Variants in MYADML2 observed in about 807,000 individuals in gnomAD.
MYADML2 encodes myeloid-associated differentiation marker-like protein 2.
MYADML2 carries 17 observed loss-of-function variants against 16.0 expected under a neutral mutation model. That is an observed-to-expected ratio of 1.06 (90% CI 0.73 to 1.60). The LOEUF is 1.60. Ranked by LOEUF, MYADML2 falls within the 40% of genes most tolerant of loss-of-function variation. The probability of loss-of-function intolerance (pLI) is 0.00; values close to 1 mark genes in which losing one functional copy is unlikely to be tolerated. For synonymous variants in MYADML2, 210 were observed against 208.1 expected (o/e 1.01, Z -0.08); for missense variants, 422 against 437.7 (o/e 0.96, Z 0.32).
chr17:81,943,156 G>A (rs1356976454), intron 1 of MYADML2, among the ~76,000 whole-genome samples: 9 of 150,686 alleles, frequency 6.0e-5, no homozygotes, highest in Non-Finnish European at 1.3e-4. Context: ...TGCAAGCTCC[G>A]CCTCCCAGGT....
chr17:81,943,630 C>G (rs1292634497), intron 1 of MYADML2, among the ~76,000 whole-genome samples: 1 of 150,644 alleles, frequency 6.6e-6, no homozygotes, highest in Non-Finnish European at 1.5e-5. Context: ...GTCTCGATCT[C>G]CTGACCTCGT....
At chr17:81,945,590 T>A (rs2041338889) in intron 1 of MYADML2, among the ~76,000 whole-genome samples, 1 of 150,666 alleles carries the variant, frequency 6.6e-6, no homozygotes, top group Non-Finnish European at 1.5e-5. Flanking sequence ...TAATCTCAGT[T>A]ACTGGGGAGG....
intron 2 of MYADML2, 95 bp from the exon 3 acceptor site, chr17:81,941,938 T>C: frequency 3.8e-6 from 2 of 530,982 alleles, no homozygotes; most frequent in East Asian, 6.0e-5. Flanking sequence ...TAGACAGCCG[T>C]GATCAGAGCC....
chr17:81,945,520 C>CA (rs778117495), intron 1 of MYADML2, among the ~76,000 whole-genome samples: 1 of 150,940 alleles, frequency 6.6e-6, no homozygotes, highest in Non-Finnish European at 1.5e-5. Flanking sequence ...GCCTGGGCAA[C>CA]AGAGCAAGAC....
intron 1 of MYADML2, among the ~76,000 whole-genome samples, chr17:81,945,538 C>CAAA (rs796429824): frequency 1.5e-5 from 2 of 136,504 alleles, no homozygotes; most frequent in Admixed American, 7.4e-5. Context: ...GACTCTGTCT[C>CAAA]AAAAAAAAAA....
Position 81,941,049 on chromosome 17 carries a change from C to G in MYADML2, c.693G>C (p.Val231=), listed in dbSNP as rs773013862. 2.6e-6 allele frequency: 4 copies of G among 1,550,428 alleles called. No homozygotes were observed. The highest frequency in any genetic ancestry group is 3.5e-6 in the Non-Finnish European group (4 of 1,146,982). The change falls in exon 3 of 3, where the codon GTG becomes GTC. Residue 231 remains valine, a synonymous_variant. Transcript: ENST00000409745. The part of the protein sequence containing the change: ...GGLGCPFDRL[V]VVYTFLAVLL... ...GCACAGCCAGGAAGGTGTACACCAC[C>G]ACCAGCCGGTCAAAGGGGCAGCCCA... is the stretch of plus-strand genomic sequence containing the variant.
At chr17:81,945,287 C>T (rs2143926944) in intron 1 of MYADML2, among the ~76,000 whole-genome samples, 1 of 151,926 alleles carries the variant, frequency 6.6e-6, no homozygotes, top group African/African-American at 2.4e-5. Flanking sequence ...CACCTGTAAT[C>T]CCAGCACTTT....
Position 81,944,867 on chromosome 17 carries a change from G to A in MYADML2, c.-181+2192C>T, listed in dbSNP as rs146424956. 3.1e-4 allele frequency among the ~76,000 whole-genome samples: 47 copies of A among 152,332 alleles called. 1 individual carries two copies. The highest frequency in any genetic ancestry group is 5.9e-5 in the Non-Finnish European group (4 of 68,024). On this transcript the variant is annotated intron_variant, in intron 1 of 2. Coordinates refer to ENST00000409745, the MANE Select transcript of MYADML2 (RefSeq NM_001145113.3). ...CAGGGTTGGGAGGTTTCCAGGTGGC[G>A]GAATGCTTGGAGGGTCCTGGAAGCT...
Position 81,941,206 on chromosome 17 carries a change from A to C in MYADML2, c.536T>G (p.Phe179Cys). The stretch of plus-strand genomic sequence containing the variant: ...GCGGCTGTCATGGACCAGCGCCCCG[A>C]AGATGATGCAGGCCACGAAGGCCTG... Reference protein sequence around the residue: ...IVQAFVACIIFGALVHDSRYG... With the variant: ...IVQAFVACIICGALVHDSRYG... Residue 179 changes from phenylalanine to cysteine, a missense_variant, in exon 3 of 3, where the codon TTC becomes TGC. Transcript: ENST00000409745. 1 of 1,550,156 alleles carries C rather than the reference A, an allele frequency of 6.5e-7. No homozygotes were observed. Among genetic ancestry groups the C allele is most frequent in the East Asian group, 2.4e-5 (1 of 40,906 alleles).
At chr17:81,945,832 A>C (rs1055290951) in intron 1 of MYADML2, among the ~76,000 whole-genome samples, 2 of 151,822 alleles carry the variant, frequency 1.3e-5, no homozygotes, top group African/African-American at 4.9e-5. Flanking sequence ...ATGCCGTCAC[A>C]CTCCAGCCCG....
chr17:81,946,528 G>A (rs376163734), intron 1 of MYADML2, among the ~76,000 whole-genome samples: 27 of 151,584 alleles, frequency 1.8e-4, no homozygotes, highest in African/African-American at 5.3e-4. Context: ...GGCGCTGGTA[G>A]TCCCAGCTAC....
Position 81,941,455 on chromosome 17 carries a change from G to A in MYADML2, c.287C>T (p.Thr96Ile), listed in dbSNP as rs774545284. ...NFTAAFAMLA[T>I]LLCATAAVLY... ...GACCGCAGCCGTCGCGCATAGCAGG[G>A]TGGCCAGCATGGCGAAGGCGGCGGT... Residue 96 changes from threonine to isoleucine, a missense_variant, in exon 3 of 3, where the codon ACC becomes ATC. Transcript: ENST00000409745. 2.6e-6 allele frequency: 4 copies of A among 1,549,444 alleles called. No individual in the cohort carries two copies. The highest frequency in any genetic ancestry group is 2.4e-5 in the South Asian group (2 of 84,038).
Position 81,940,951 on chromosome 17 carries a change from G to A in MYADML2, c.791C>T (p.Pro264Leu). ...ACAGCTGCCCCGAGCACAGTTGGGG[G>A]GCCGTTTGGGCTCACCGTACTTGGG... is the stretch of plus-strand genomic sequence containing the variant. ...FDPKYGEPKR[P>L]PNCARGSCPW... The change falls in exon 3 of 3, where the codon CCC (proline) becomes CTC (leucine). Residue 264 changes from proline (P) to leucine (L), a missense_variant. By Grantham distance (98) the Pro-to-Leu change is moderately conservative. Coordinates refer to ENST00000409745, the MANE Select transcript of MYADML2 (RefSeq NM_001145113.3). 1 of 1,550,618 alleles carries A rather than the reference G, an allele frequency of 6.4e-7. No homozygotes were observed.
Position 81,941,404 on chromosome 17 carries a change from C to G in MYADML2, c.338G>C (p.Arg113Pro), listed in dbSNP as rs757879513. The G allele has an allele frequency of 1.9e-6, 3 of 1,549,104 alleles. No individual in the cohort carries two copies. Among genetic ancestry groups the G allele is most frequent in the Non-Finnish European group, 2.6e-6 (3 of 1,146,480 alleles). ...AVLYPLYFAR[R>P]ECSPEPAGCA... Reference sequence around the variant, plus strand: ...GCCGGCGGGCTCGGGGGAACACTCCCGCCGGGCAAAGTACAGCGGATACAG... The same window carrying G: ...GCCGGCGGGCTCGGGGGAACACTCCGGCCGGGCAAAGTACAGCGGATACAG... The change falls in exon 3 of 3, where the codon CGG (arginine) becomes CCG (proline). Residue 113 changes from arginine (R) to proline (P), a missense_variant. Physicochemically the swap from Arg to Pro is moderately radical, Grantham distance 103 (BLOSUM62 -2). Transcript: ENST00000409745.
Position 81,941,357 on chromosome 17 carries a change from G to C in MYADML2, c.385C>G (p.Leu129Val), listed in dbSNP as rs867063182. The C allele has an allele frequency of 3.2e-6, 5 of 1,548,916 alleles. No individual in the cohort carries two copies. Among genetic ancestry groups the C allele is most frequent in the Admixed American group, 3.9e-5 (2 of 50,950 alleles). ...PAGCAARDFR[L>V]AASVFAGLLF... ...AGCCCGGCGAAGACACTGGCTGCCAGGCGGAAGTCCCTGGCAGCACAGCCG... is the reference window on the plus strand; with the variant it reads ...AGCCCGGCGAAGACACTGGCTGCCACGCGGAAGTCCCTGGCAGCACAGCCG... Residue 129 changes from leucine (L) to valine (V), a missense_variant, in exon 3 of 3, where the codon CTG becomes GTG. By Grantham distance (32) the Leu-to-Val change is conservative. Coordinates refer to ENST00000409745, the MANE Select transcript of MYADML2 (RefSeq NM_001145113.3).
rs1468138345 is a variant in MYADML2, at chr17:81,940,454, T to G, written c.*364A>C. On this transcript the variant is annotated 3_prime_UTR_variant, in exon 3 of 3. Transcript: ENST00000409745. ...GGGTGCCTCGCAAATGCTTCTAGCC[T>G]CCATGTCCCCAGCTGCAAAATGGGT... is the stretch of plus-strand genomic sequence containing the variant. The G allele has an allele frequency of 9.2e-6, 2 of 217,724 alleles. No homozygotes were observed. Among genetic ancestry groups the G allele is most frequent in the African/African-American group, 2.2e-5 (1 of 44,460 alleles). 13.5% of individuals were successfully genotyped at this position (217,724 alleles called of 1,614,324 possible). A position where few individuals can be genotyped will look rare whatever the true frequency, so the allele number is the denominator to read the frequency against.
chr17:81,946,462 C>T (rs1004233407), intron 1 of MYADML2, among the ~76,000 whole-genome samples: 43 of 151,674 alleles, frequency 2.8e-4, no homozygotes, highest in Non-Finnish European at 5.0e-4. Flanking sequence ...TCCTGGCCAA[C>T]GTGGTGAAAC....
chr17:81,946,081 G>A (rs909152928), intron 1 of MYADML2, among the ~76,000 whole-genome samples: 3 of 152,058 alleles, frequency 2.0e-5, no homozygotes, highest in Admixed American at 6.6e-5. Flanking sequence ...CTGGCCCGGC[G>A]CGGTGGGTCA....
intron 1 of MYADML2, among the ~76,000 whole-genome samples, chr17:81,943,055 A>G (rs2041318126): frequency 6.6e-6 from 1 of 151,934 alleles, no homozygotes; most frequent in Admixed American, 6.5e-5. Flanking sequence ...AATGTTTTTA[A>G]AAAGGAAAAA....
Sources: allele counts gnomAD v4.1 joint callset (sites outside exome capture counted in the v4.1 genomes callset), GRCh38; gene constraint gnomAD v4.1.1; transcripts MANE v1.5; gene names NCBI Gene and HGNC (gene_info 2026-07-23, HGNC 2026-07-21).